ZHX2: variants seen among roughly 807,000 people sequenced by gnomAD.
ZHX2 encodes zinc fingers and homeoboxes 2, also known as zinc fingers and homeoboxes protein 2.
In ZHX2, 6 loss-of-function variants were observed where a neutral mutation model predicts 21.9. That is an observed-to-expected ratio of 0.27 (90% CI 0.15 to 0.54). The LOEUF (loss-of-function observed/expected upper bound fraction) is 0.54. Among genes scored for constraint, ZHX2 ranks in the 20% least tolerant of loss-of-function variants. ZHX2 has a pLI of 0.95. For synonymous variants in ZHX2, 434 were observed against 437.1 expected (o/e 0.99, Z 0.09); for missense variants, 908 against 1,090.7 (o/e 0.83, Z 2.36).
At chr8:122,934,811 C>T (rs917775732) in intron 2 of ZHX2, among the ~76,000 whole-genome samples, 1 of 152,136 alleles carries the variant, frequency 6.6e-6, no homozygotes, top group African/African-American at 2.4e-5. Flanking sequence ...GTCTCAGCCT[C>T]CCAAGTACCT....
At chr8:122,791,109 T>C (rs1817510457) in intron 1 of ZHX2, among the ~76,000 whole-genome samples, 1 of 152,242 alleles carries the variant, frequency 6.6e-6, no homozygotes, top group South Asian at 2.1e-4. Context: ...GATTAGAACC[T>C]GTGGCTGAGC....
chr8:122,949,214 G>C (rs1813049721), intron 2 of ZHX2, among the ~76,000 whole-genome samples: 1 of 152,098 alleles, frequency 6.6e-6, no homozygotes, highest in African/African-American at 2.4e-5. Context: ...ATCCAACTAT[G>C]CAGGAGGCTG....
intron 2 of ZHX2, among the ~76,000 whole-genome samples, chr8:122,933,243 A>G: frequency 6.6e-6 from 1 of 152,200 alleles, no homozygotes; most frequent in Non-Finnish European, 1.5e-5. Flanking sequence ...AAGGAAGGAA[A>G]TGAAAAGGTT....
chr8:122,947,471 C>T (rs1397331542), intron 2 of ZHX2, among the ~76,000 whole-genome samples: 1 of 152,122 alleles, frequency 6.6e-6, no homozygotes, highest in Non-Finnish European at 1.5e-5. Context: ...CTCAAAAGGC[C>T]ACATGTGGCC....
At chr8:122,875,864 C>T (rs570321097) in intron 2 of ZHX2, among the ~76,000 whole-genome samples, 125 of 152,346 alleles carry the variant, frequency 8.2e-4, no homozygotes, top group African/African-American at 2.9e-3. Flanking sequence ...TAAATCTTTG[C>T]CTTCCCTTGT....
At chr8:122,820,946 C>A (rs533614334) in intron 1 of ZHX2, among the ~76,000 whole-genome samples, 3 of 152,286 alleles carry the variant, frequency 2.0e-5, no homozygotes, top group African/African-American at 4.8e-5. Context: ...GTCTCCCTGA[C>A]ATGGAAGCAG....
chr8:122,788,496 G>A (rs1228108825), intron 1 of ZHX2, among the ~76,000 whole-genome samples: 1 of 152,208 alleles, frequency 6.6e-6, no homozygotes, highest in Admixed American at 6.5e-5. Context: ...GAGCCCGGGA[G>A]GTCAAGGCTG....
At chr8:122,886,185 G>A (rs898339478) in intron 2 of ZHX2, among the ~76,000 whole-genome samples, 1 of 152,182 alleles carries the variant, frequency 6.6e-6, no homozygotes, top group African/African-American at 2.4e-5. Context: ...AAAAGACACG[G>A]AGAAACCTTC....
chr8:122,810,875 C>T (rs1017099911), intron 1 of ZHX2, among the ~76,000 whole-genome samples: 7 of 152,068 alleles, frequency 4.6e-5, no homozygotes, highest in African/African-American at 1.4e-4. Flanking sequence ...ATGTGCCATG[C>T]TGGTGCGCTG....
chr8:122,858,088 G>C lies in ZHX2; in HGVS notation c.-282-5389G>C, dbSNP rs553292139. 4.6e-5 allele frequency among the ~76,000 whole-genome samples: 7 copies of C among 152,294 alleles called. No homozygotes were observed. The East Asian group carries it at 5.8e-4, about 13-fold the overall frequency. On this transcript the variant is annotated intron_variant, in intron 1 of 3. Transcript: ENST00000314393. ...GGCTTGTGGAGTGAGGGCCGAGCTC[G>C]GGCCCCACGGAAGCCGCTTGTAGCT...
intron 2 of ZHX2, among the ~76,000 whole-genome samples, chr8:122,914,838 C>T (rs923332856): frequency 6.6e-6 from 1 of 152,166 alleles, no homozygotes; most frequent in African/African-American, 2.4e-5. Context: ...GAGGTTTAAA[C>T]TGCTTGGGGT....
At chr8:122,937,865 A>C (rs985136619) in intron 2 of ZHX2, among the ~76,000 whole-genome samples, 1 of 149,368 alleles carries the variant, frequency 6.7e-6, no homozygotes, top group African/African-American at 2.5e-5. Context: ...TACAGGCATG[A>C]GCCACCGCGC....
chr8:122,790,582 G>C (rs1563731200), intron 1 of ZHX2, among the ~76,000 whole-genome samples: 1 of 152,112 alleles, frequency 6.6e-6, no homozygotes, highest in Non-Finnish European at 1.5e-5. Context: ...AATCCTAAGA[G>C]AGGTTGGGAT....
rs964955539 is a variant in ZHX2 at position 122,796,684 on chromosome 8, G to A, written c.-283+14738G>A. Among the ~76,000 whole-genome samples the A allele has an allele frequency of 3.9e-5, 6 of 152,126 alleles. No individual in the cohort carries two copies. In the East Asian group the frequency reaches 5.8e-4, roughly 15 times the overall value. On this transcript the variant is annotated intron_variant, in intron 1 of 3. Transcript: ENST00000314393. ...CAAACAACCAAACGTTTATTAATGC[G>A]TGCTCTGCCCATCACATGGGAGAGG...
Position 122,913,406 on chromosome 8 carries a change from ACTC to A in ZHX2, c.-219-37882_-219-37880del, listed in dbSNP as rs1269621388. On this transcript the variant is annotated intron_variant, in intron 2 of 3. Transcript: ENST00000314393. The stretch of plus-strand genomic sequence containing the variant: ...CCCTACTCCAAAGCCTAACCACTCT[ACTC>A]CTCAGCAGCTTCCATGCCCCTAAAA... Among the ~76,000 whole-genome samples, 6 of 152,070 alleles carry A rather than the reference ACTC, an allele frequency of 3.9e-5. No individual in the cohort carries two copies. In the East Asian group the frequency reaches 1.2e-3, roughly 29 times the overall value.
intron 1 of ZHX2, among the ~76,000 whole-genome samples, chr8:122,836,719 G>T (rs965376969): frequency 1.3e-5 from 2 of 152,252 alleles, no homozygotes; most frequent in Non-Finnish European, 2.9e-5. Context: ...CTTCCAGCCA[G>T]GGTAGGTGTC....
At chr8:122,927,223 A>G (rs1318752003) in intron 2 of ZHX2, among the ~76,000 whole-genome samples, 1 of 152,214 alleles carries the variant, frequency 6.6e-6, no homozygotes, top group Admixed American at 6.5e-5. Flanking sequence ...GGCCAGGCAC[A>G]GTGACTCATG....
chr8:122,847,964 C>T (rs16897544), intron 1 of ZHX2, among the ~76,000 whole-genome samples: 18,781 of 152,138 alleles, frequency 0.12, 2,084 homozygotes, highest in African/African-American at 0.3. Flanking sequence ...CTGAAGATGG[C>T]TCCAAACATG....
chr8:122,957,296 C>CAAAAA (rs34314877), intron 3 of ZHX2, among the ~76,000 whole-genome samples: 7 of 110,368 alleles, frequency 6.3e-5, no homozygotes, highest in African/African-American at 2.3e-4. Flanking sequence ...GCTGTGTTCA[C>CAAAAA]AAAAAAAAAA....
Sources: allele counts gnomAD v4.1 joint callset (sites outside exome capture counted in the v4.1 genomes callset), GRCh38; gene constraint gnomAD v4.1.1; transcripts MANE v1.5; gene names NCBI Gene and HGNC (gene_info 2026-07-23, HGNC 2026-07-21).